Variants in AGBL1 observed in about 807,000 individuals in gnomAD.
The protein encoded by AGBL1 is AGBL carboxypeptidase 1.
Under a neutral mutation model 118.9 loss-of-function variants are expected in AGBL1, and 130 were observed. That is an observed-to-expected ratio of 1.09 (90% CI 0.95 to 1.26). The LOEUF is 1.26. AGBL1 is among the 50% of genes most tolerant of loss of function. The pLI is 0.00. For missense variants in AGBL1, 1,584 were observed against 1,298.1 expected, an observed-to-expected ratio of 1.22 and a Z score of -3.38; for synonymous variants, 555 against 478.9, an observed-to-expected ratio of 1.16 and a Z score of -2.08.
chr15:86,461,549 G>T (rs1052658996), intron 18 of AGBL1, among the ~76,000 whole-genome samples: 1 of 152,176 alleles, frequency 6.6e-6, no homozygotes, highest in East Asian at 1.9e-4. Flanking sequence ...TTTCCTTTAA[G>T]ATTTCACAGG....
chr15:86,456,891 A>C (rs1027587392), intron 18 of AGBL1, among the ~76,000 whole-genome samples: 6 of 152,222 alleles, frequency 3.9e-5, no homozygotes, highest in Non-Finnish European at 7.3e-5. Flanking sequence ...ACTAGGTTGA[A>C]TGACCAACAT....
At chr15:86,143,942 A>T in intron 3 of AGBL1, 97 bp downstream of exon 3, 1 of 1,422,534 alleles carries the variant, frequency 7.0e-7, no homozygotes, top group African/African-American at 1.4e-5. Flanking sequence ...TAGCACAGGG[A>T]GAAAGCGTCA....
At chr15:86,089,052 C>T (rs186846241) in intron 1 of AGBL1, among the ~76,000 whole-genome samples, 29 of 152,278 alleles carry the variant, frequency 1.9e-4, no homozygotes, top group Admixed American at 1.8e-3. Flanking sequence ...AAGTTTGAGA[C>T]ATAATATATG....
intron 23 of AGBL1, among the ~76,000 whole-genome samples, chr15:86,937,678 A>G (rs2080693100): frequency 6.6e-6 from 1 of 152,216 alleles, no homozygotes; most frequent in African/African-American, 2.4e-5. Context: ...GGAGAGGAGC[A>G]GAAAAGATAA....
chr15:86,801,187 T>C (rs1321419222), intron 22 of AGBL1, among the ~76,000 whole-genome samples: 5 of 152,092 alleles, frequency 3.3e-5, no homozygotes, highest in African/African-American at 9.6e-5. Context: ...ATGGTTCCTT[T>C]AGTTCTTTTA....
At chr15:86,095,235 G>A (rs1301800708) in intron 1 of AGBL1, among the ~76,000 whole-genome samples, 9 of 152,222 alleles carry the variant, frequency 5.9e-5, no homozygotes, top group African/African-American at 2.2e-4. Flanking sequence ...ATCATTTAAG[G>A]TTTTTATGTA....
At chr15:86,694,238 G>C (rs2086218719) in intron 22 of AGBL1, among the ~76,000 whole-genome samples, 1 of 151,998 alleles carries the variant, frequency 6.6e-6, no homozygotes, top group Non-Finnish European at 1.5e-5. Flanking sequence ...CATGGGATGT[G>C]TTTCCATTTG....
chr15:86,836,747 T>C (rs2079176189), intron 22 of AGBL1, among the ~76,000 whole-genome samples: 3 of 152,106 alleles, frequency 2.0e-5, no homozygotes, highest in South Asian at 2.1e-4. Context: ...TGTTCTCTTG[T>C]TTAGTGCCTT....
intron 22 of AGBL1, among the ~76,000 whole-genome samples, chr15:86,836,296 A>G (rs1251126517): frequency 2.6e-5 from 4 of 152,322 alleles, no homozygotes; most frequent in Middle Eastern, 3.4e-3. Flanking sequence ...GCGGGGAAGT[A>G]GAGAAGGTCA....
At chr15:86,329,338 G>A (rs544663532) in intron 17 of AGBL1, among the ~76,000 whole-genome samples, 1 of 151,730 alleles carries the variant, frequency 6.6e-6, no homozygotes, top group African/African-American at 2.4e-5. Context: ...TCTGCCCCAT[G>A]TCCAGGTAGA....
chr15:86,132,052 C>T (rs567846660), intron 1 of AGBL1, among the ~76,000 whole-genome samples: 4 of 152,118 alleles, frequency 2.6e-5, no homozygotes, highest in South Asian at 2.1e-4. Context: ...CTGAAAACAG[C>T]GCTTCAGATT....
At chr15:86,974,489 CAT>C (rs1285107352) in intron 23 of AGBL1, among the ~76,000 whole-genome samples, 20 of 114,330 alleles carry the variant, frequency 1.7e-4, no homozygotes, top group Non-Finnish European at 1.8e-4. Context: ...TGAATATAAA[CAT>C]ATTTTATATA....
intron 23 of AGBL1, among the ~76,000 whole-genome samples, chr15:86,948,473 A>G (rs891383543): frequency 3.3e-5 from 5 of 152,244 alleles, no homozygotes; most frequent in Admixed American, 2.0e-4. Context: ...ATCTATTTAA[A>G]AAAGGTTAAA....
intron 22 of AGBL1, among the ~76,000 whole-genome samples, chr15:86,718,949 T>C (rs2086676704): frequency 6.6e-6 from 1 of 152,148 alleles, no homozygotes; most frequent in Non-Finnish European, 1.5e-5. Flanking sequence ...CGTCTGGTAC[T>C]GCTAAAAGTT....
chr15:87,017,128 T>G (rs2081614893), intron 24 of AGBL1, among the ~76,000 whole-genome samples: 1 of 152,252 alleles, frequency 6.6e-6, no homozygotes, highest in East Asian at 1.9e-4. Flanking sequence ...GGCTGGAGTC[T>G]GCCTGAGAAG....
chr15:86,804,683 A>T (rs1001661830), intron 22 of AGBL1, among the ~76,000 whole-genome samples: 5 of 152,138 alleles, frequency 3.3e-5, no homozygotes, highest in Non-Finnish European at 7.4e-5. Flanking sequence ...TTTCTTGCAC[A>T]GAAATAGCTA....
chr15:86,534,113 A>T lies in AGBL1; in HGVS notation c.2685+11174A>T, dbSNP rs904355931. Among the ~76,000 whole-genome samples, 46 of 25,822 alleles carry T rather than the reference A, an allele frequency of 1.8e-3. 1 individual carries two copies. In the South Asian group the frequency reaches 0.021, roughly 12 times the overall value. The allele number at this position is 25,822 out of a possible 152,430, so 16.9% of individuals were successfully genotyped here. A position where few individuals can be genotyped will look rare whatever the true frequency, so the allele number is the denominator to read the frequency against. ...TGTACCCTAAAACTTAAAGTATAAT[A>T]AAAAAAAAAAAAAAAAAAAAAGATT... On this transcript the variant is annotated intron_variant, in intron 19 of 22. Transcript: ENST00000614907.
At chr15:86,139,592 C>T (rs896819722) in intron 1 of AGBL1, among the ~76,000 whole-genome samples, 4 of 151,282 alleles carry the variant, frequency 2.6e-5, no homozygotes, top group Non-Finnish European at 5.9e-5. Flanking sequence ...AAACTCGTCT[C>T]TTCTGAAAAC....
chr15:86,315,967 AC>A (rs2080000846), intron 17 of AGBL1, among the ~76,000 whole-genome samples: 1 of 152,138 alleles, frequency 6.6e-6, no homozygotes, highest in African/African-American at 2.4e-5. Context: ...TCAGGAAAAA[AC>A]CTTATCTATA....
Sources: gnomAD v4.1 joint callset for allele counts (sites outside exome capture counted in the v4.1 genomes callset) on GRCh38, gnomAD v4.1.1 for gene constraint, MANE v1.5 for transcripts, NCBI Gene and HGNC (gene_info 2026-07-23, HGNC 2026-07-21) for gene names.